The following PCDHA5 variants were observed in gnomAD, a reference collection of about 807,000 sequenced individuals.
PCDHA5 encodes the protein protocadherin alpha 5, also known as protocadherin alpha-5.
Under a neutral mutation model 61.6 loss-of-function variants are expected in PCDHA5, and 43 were observed. The ratio of observed to expected loss-of-function variants is 0.70; its 90% CI spans 0.55 to 0.90. The LOEUF (loss-of-function observed/expected upper bound fraction) is 0.90. Among genes scored for constraint, PCDHA5 ranks in the 40% least tolerant of loss-of-function variants. PCDHA5 has a pLI of 0.00. For missense variants in PCDHA5, 1,298 were observed against 1,222.7 expected (o/e 1.06, Z -0.92); for synonymous variants, 627 against 543.9 (o/e 1.15, Z -2.13).
At chr5:140,984,408 T>G (rs1394037702) in intron 3 of PCDHA5, among the ~76,000 whole-genome samples, 2 of 152,200 alleles carry the variant, frequency 1.3e-5, no homozygotes, top group African/African-American at 2.4e-5. Flanking sequence ...AACCTATCTT[T>G]TTTACAGAGA....
intron 1 of PCDHA5, chr5:140,870,468 A>G: frequency 1.2e-6 from 2 of 1,614,214 alleles, no homozygotes; most frequent in Non-Finnish European, 8.5e-7. Flanking sequence ...CTGCGTTCGC[A>G]CAGCCCGAGT....
intron 1 of PCDHA5, chr5:140,857,650 G>C (rs1212312396): frequency 6.3e-7 from 1 of 1,596,628 alleles, no homozygotes; most frequent in Non-Finnish European, 8.6e-7. Flanking sequence ...AGTTCCAGGT[G>C]AGCGCGCGCG....
intron 1 of PCDHA5, chr5:140,863,385 G>C: frequency 9.7e-7 from 1 of 1,030,864 alleles, no homozygotes; most frequent in Non-Finnish European, 1.4e-6. Context: ...CCGAGAGCTC[G>C]TGCATGCCGG....
At chr5:140,870,370 GT>G in intron 1 of PCDHA5, 1 of 1,614,208 alleles carries the variant, frequency 6.2e-7, no homozygotes. Context: ...CTATGAACTG[GT>G]GGTGACTGCG....
chr5:140,850,784 T>C (rs2150498192), intron 1 of PCDHA5: 7 of 1,597,982 alleles, frequency 4.4e-6, no homozygotes, highest in South Asian at 1.1e-5. Flanking sequence ...CTGGCGAGGG[T>C]AAGCAGAAGA....
rs1359439804 is a variant in PCDHA5 at position 140,846,369 on chromosome 5, CTTTCTTTTTT to C, written c.2352+22246_2352+22255del. ...TTCTCTTTTTTCTTTTCTTTTCTTTCTTTCTTTTTTTTTTTTTTTTTTTGAGACGGAGTCT... is the reference window on the plus strand; with the variant it reads ...TTCTCTTTTTTCTTTTCTTTTCTTTCTTTTTTTTTTTTTGAGACGGAGTCT... On this transcript the variant is annotated intron_variant, in intron 1 of 3. Coordinates refer to ENST00000529859, the MANE Select transcript of PCDHA5 (RefSeq NM_018908.3). 7.0e-4 allele frequency among the ~76,000 whole-genome samples: 72 copies of C among 102,178 alleles called. 4 individuals are homozygous for C. The highest frequency in any genetic ancestry group is 2.6e-3 in the African/African-American group (68 of 26,232). The allele number at this position is 102,178 out of a possible 152,430, so 67.0% of individuals were successfully genotyped here.
intron 1 of PCDHA5, among the ~76,000 whole-genome samples, chr5:140,837,619 T>C (rs1775159860): frequency 6.7e-6 from 1 of 148,926 alleles, no homozygotes; most frequent in Admixed American, 6.6e-5. Flanking sequence ...ATTTGCCCCT[T>C]CCTTCCTTCC....
At position 140,835,614 on chromosome 5, in the gene PCDHA5, A is replaced by C. The variant is rs2150239494; in HGVS notation, c.2352+11487A>C. On this transcript the variant is annotated intron_variant, in intron 1 of 3. Transcript: ENST00000529859. ...GAATTACTATTCATTGGTGCTGGAC[A>C]GCGCTCTGGACCGCGAGAGTGTGTC... 7 of 1,613,916 alleles carry C rather than the reference A, an allele frequency of 4.3e-6. No individual in the cohort carries two copies. In the East Asian group the frequency reaches 1.3e-4, roughly 31 times the overall value.
At chr5:140,931,975 T>C (rs2087911858) in intron 1 of PCDHA5, among the ~76,000 whole-genome samples, 1 of 151,962 alleles carries the variant, frequency 6.6e-6, no homozygotes, top group Non-Finnish European at 1.5e-5. Flanking sequence ...CATATGTGTT[T>C]ATATTTTGCT....
intron 1 of PCDHA5, chr5:140,967,285 G>A (rs150694611): frequency 1.9e-6 from 3 of 1,613,058 alleles, no homozygotes; most frequent in East Asian, 2.2e-5. Context: ...AGAGTGCGCA[G>A]GACCCCGACG....
chr5:140,928,974 A>G (rs772759035), intron 1 of PCDHA5: 2 of 1,613,574 alleles, frequency 1.2e-6, no homozygotes, highest in Non-Finnish European at 1.7e-6. Flanking sequence ...TTTCCTTTTT[A>G]TTTCTGGGGT....
Position 140,850,103 on chromosome 5 carries a change from C to T in PCDHA5, c.2352+25976C>T, listed in dbSNP as rs2150467019. 4 of 1,596,104 alleles carry T rather than the reference C, an allele frequency of 2.5e-6. 1 individual carries two copies. Among genetic ancestry groups the T allele is most frequent in the African/African-American group, 1.3e-5 (1 of 74,456 alleles). On this transcript the variant is annotated intron_variant, in intron 1 of 3. Coordinates refer to ENST00000529859, the MANE Select transcript of PCDHA5 (RefSeq NM_018908.3). ...TGGAGCTGCTACAGTTCCAGGTGAGCGCGCGCGACGCGGGCGTGCCGCCTC... is the reference window on the plus strand; with the variant it reads ...TGGAGCTGCTACAGTTCCAGGTGAGTGCGCGCGACGCGGGCGTGCCGCCTC...
intron 1 of PCDHA5, among the ~76,000 whole-genome samples, chr5:140,894,286 A>T (rs2064400911): frequency 6.6e-6 from 1 of 151,788 alleles, no homozygotes; most frequent in African/African-American, 2.4e-5. Flanking sequence ...GTATTTTTGA[A>T]GTTTATTTTC....
chr5:140,849,774 G>T (rs2150449369), intron 1 of PCDHA5: 2 of 1,598,482 alleles, frequency 1.3e-6, no homozygotes, highest in East Asian at 4.5e-5. Context: ...GGTGGTTACC[G>T]CGCGGGACGG....
At chr5:140,829,255 G>T (rs2150164788) in intron 1 of PCDHA5, 6 of 1,614,078 alleles carry the variant, frequency 3.7e-6, no homozygotes, top group Non-Finnish European at 4.2e-6. Flanking sequence ...TGAACTGCTC[G>T]CTGACGCCTC....
intron 1 of PCDHA5, among the ~76,000 whole-genome samples, chr5:140,919,297 G>C (rs1351756549): frequency 6.6e-6 from 1 of 152,120 alleles, no homozygotes; most frequent in African/African-American, 2.4e-5. Context: ...GTTGCTGTTT[G>C]TACAATATAT....
At chr5:140,827,132 A>G (rs1274640005) in intron 1 of PCDHA5, among the ~76,000 whole-genome samples, 1 of 152,222 alleles carries the variant, frequency 6.6e-6, no homozygotes, top group Non-Finnish European at 1.5e-5. Context: ...TTAGAAACAT[A>G]GAAAGAAGGG....
intron 1 of PCDHA5, among the ~76,000 whole-genome samples, chr5:140,892,628 T>C (rs1554185308): frequency 6.6e-6 from 1 of 152,166 alleles, no homozygotes; most frequent in African/African-American, 2.4e-5. Flanking sequence ...TGGTACATAA[T>C]AATTGTACAT....
intron 1 of PCDHA5, chr5:140,855,790 T>G: frequency 2.3e-6 from 1 of 441,252 alleles, no homozygotes; most frequent in East Asian, 3.4e-5. Context: ...AAAAAAGAAT[T>G]AACATATGAA....
Sources: gnomAD v4.1 joint callset for allele counts (sites outside exome capture counted in the v4.1 genomes callset) on GRCh38, gnomAD v4.1.1 for gene constraint, MANE v1.5 for transcripts, NCBI Gene and HGNC (gene_info 2026-07-23, HGNC 2026-07-21) for gene names.